PTGFRN: variants seen among roughly 807,000 people sequenced by gnomAD.
The protein encoded by PTGFRN is prostaglandin F2 receptor negative regulator.
PTGFRN carries 35 observed loss-of-function variants against 83.2 expected under a neutral mutation model. The observed-to-expected ratio is 0.42, with a 90% confidence interval of 0.32 to 0.56. The LOEUF is 0.56. Among genes scored for constraint, PTGFRN ranks in the 20% least tolerant of loss-of-function variants. PTGFRN has a pLI of 0.11. For missense variants in PTGFRN, 1,051 were observed against 1,179.5 expected (o/e 0.89, Z 1.60); for synonymous variants, 519 against 498.6 (o/e 1.04, Z -0.55).
chr1:116,931,281 G>A lies in PTGFRN; in HGVS notation c.50-10434G>A, dbSNP rs564618060. ...TCTGGTCCCAAACGTTTTGAATAAA[G>A]GATATACAGCCTGTATGACAGTTTG... On this transcript the variant is annotated intron_variant, in intron 1 of 8. Transcript: ENST00000393203. Among the ~76,000 whole-genome samples the A allele has an allele frequency of 3.3e-5, 5 of 152,204 alleles. No individual in the cohort carries two copies. The East Asian group carries it at 9.7e-4, about 29-fold the overall frequency.
At position 116,958,543 on chromosome 1, in the gene PTGFRN, C is replaced by T; in HGVS notation, c.1214-2700C>T. Among the ~76,000 whole-genome samples, 1 of 152,142 alleles carries T rather than the reference C, an allele frequency of 6.6e-6. No individual in the cohort carries two copies. The highest frequency in any genetic ancestry group is 1.5e-5 in the Non-Finnish European group (1 of 68,024). On this transcript the variant is annotated intron_variant, in intron 4 of 8. Transcript: ENST00000393203. The surrounding 1 kb of genome is among the most constrained non-coding windows in gnomAD (Gnocchi z 4.9). ...AGAAATGGGAACTGTGAATAATGAT[C>T]ACAAATATATACACGTGTATGTGTA...
chr1:116,974,456 C>T, intron 7 of PTGFRN, 133 bp downstream of exon 7: 1 of 634,988 alleles, frequency 1.6e-6, no homozygotes, highest in Non-Finnish European at 2.7e-6. Context: ...TGGCCCAGTA[C>T]TTTGTACTCA....
intron 1 of PTGFRN, among the ~76,000 whole-genome samples, chr1:116,932,387 C>T (rs1649822276): frequency 1.3e-5 from 2 of 152,162 alleles, no homozygotes; most frequent in Non-Finnish European, 2.9e-5. Flanking sequence ...CTTGAGTATT[C>T]CAGAGGTAGG....
rs747707764 is a variant in PTGFRN at position 116,967,268 on chromosome 1, G to C, written c.1997G>C (p.Ser666Thr). The C allele has an allele frequency of 1.2e-6, 2 of 1,614,100 alleles. No individual in the cohort carries two copies. The highest frequency in any genetic ancestry group is 2.7e-5 in the African/African-American group (2 of 74,946). ...MVTAWSPVRG[S>T]LWREAATSLS... Reference sequence around the variant, plus strand: ...ACAGCCTGGTCTCCTGTCAGGGGCAGCCTTTGGCGAGAAGCAGCAACCAGT... The same window carrying C: ...ACAGCCTGGTCTCCTGTCAGGGGCACCCTTTGGCGAGAAGCAGCAACCAGT... The change falls in exon 6 of 9, where the codon AGC becomes ACC. Residue 666 changes from serine (S) to threonine (T), a missense_variant. By Grantham distance (58) the Ser-to-Thr change is moderately conservative. This residue lies in a region of PTGFRN where 719 missense variants were observed against 836.6 expected (regional missense o/e 0.86). Coordinates refer to ENST00000393203, the MANE Select transcript of PTGFRN (RefSeq NM_020440.4).
At chr1:116,969,543 ATTTTGTT>A (rs1650934909) in intron 6 of PTGFRN, among the ~76,000 whole-genome samples, 1 of 152,050 alleles carries the variant, frequency 6.6e-6, no homozygotes, top group African/African-American at 2.4e-5. Context: ...GAGATTTCCA[ATTTTGTT>A]CTTTTTCAAG....
At chr1:116,965,198 T>A (rs1650789022) in intron 5 of PTGFRN, among the ~76,000 whole-genome samples, 1 of 152,210 alleles carries the variant, frequency 6.6e-6, no homozygotes, top group Non-Finnish European at 1.5e-5. Context: ...TGCCTGCTGT[T>A]CCATCAGTCT....
intron 4 of PTGFRN, among the ~76,000 whole-genome samples, chr1:116,951,875 C>T (rs1650362781): frequency 6.6e-6 from 1 of 152,088 alleles, no homozygotes; most frequent in Non-Finnish European, 1.5e-5. Flanking sequence ...CATGTATATG[C>T]GTACGGATAC....
intron 4 of PTGFRN, among the ~76,000 whole-genome samples, chr1:116,954,958 G>C (rs1414147576): frequency 6.6e-6 from 1 of 152,190 alleles, no homozygotes; most frequent in Admixed American, 6.5e-5. Context: ...TTGTAAAATG[G>C]GGATAATAAT....
chr1:116,949,239 G>A lies in PTGFRN; in HGVS notation c.880G>A (p.Glu294Lys). The A allele has an allele frequency of 4.3e-6, 7 of 1,611,822 alleles. No individual in the cohort carries two copies. The highest frequency in any genetic ancestry group is 2.2e-5 in the East Asian group (1 of 44,832). ...PKNVSVAEGKELDLTCNITTD... is the reference protein window; with the variant it reads ...PKNVSVAEGKKLDLTCNITTD... ...GAATGTGTCTGTGGCTGAAGGAAAG[G>A]AACTGGACCTGACCTGTAACATCAC... The change falls in exon 4 of 9, where the codon GAA becomes AAA. Residue 294 changes from glutamate to lysine, a missense_variant. Glu to Lys is a moderately conservative substitution (Grantham distance 56). Transcript: ENST00000393203.
Position 116,942,042 on chromosome 1 carries a change from C to T in PTGFRN, c.377C>T (p.Ala126Val). 1.9e-6 allele frequency: 3 copies of T among 1,614,154 alleles called. No individual in the cohort carries two copies. The highest frequency in any genetic ancestry group is 1.7e-6 in the Non-Finnish European group (2 of 1,179,998). ...AAATGTTCAACCCCCAGCACAGATG[C>T]CACTGTCCAGGGAAACTATGAGGAC... ...HYKCSTPSTD[A>V]TVQGNYEDTV... is the part of the protein sequence containing the mutation. The change falls in exon 2 of 9, where the codon GCC (alanine) becomes GTC (valine). Residue 126 changes from alanine to valine, a missense_variant. This residue lies in a region of PTGFRN where 127 missense variants were observed against 168.4 expected (regional missense o/e 0.75). Transcript: ENST00000393203.
At chr1:116,924,966 GGGC>G in intron 1 of PTGFRN, among the ~76,000 whole-genome samples, 1 of 152,286 alleles carries the variant, frequency 6.6e-6, no homozygotes, top group South Asian at 2.1e-4. Context: ...GACCCGCAGT[GGGC>G]ACCTTCTAAA....
chr1:116,954,274 G>A (rs1394495862), intron 4 of PTGFRN, among the ~76,000 whole-genome samples: 2 of 152,048 alleles, frequency 1.3e-5, no homozygotes, highest in Non-Finnish European at 2.9e-5. Context: ...GCCACAGTAA[G>A]GTAATGAGTC....
intron 6 of PTGFRN, among the ~76,000 whole-genome samples, chr1:116,969,122 T>C (rs1196755316): frequency 3.9e-5 from 4 of 102,542 alleles, no homozygotes; most frequent in Admixed American, 2.8e-4. Flanking sequence ...GTTTATCTGT[T>C]TTTTTTTTTT....
In PTGFRN at chr1:116,989,953, T is replaced by C. The variant is rs953552011; in HGVS notation, c.*2986T>C. On this transcript the variant is annotated 3_prime_UTR_variant, in exon 9 of 9. Transcript: ENST00000393203. ...TTGCTTTGCAGACTGCCTGCAGCCA[T>C]GATTTTGTCACTGACATCTGTGAGC... The C allele has an allele frequency of 6.6e-6, 1 of 152,654 alleles. No individual in the cohort carries two copies. The highest frequency in any genetic ancestry group is 2.4e-5 in the African/African-American group (1 of 41,450). 9.5% of individuals were successfully genotyped at this position (152,654 alleles called of 1,614,324 possible). A position where few individuals can be genotyped will look rare whatever the true frequency, so the allele number is the denominator to read the frequency against.
At chr1:116,960,071 G>A (rs1270484715) in intron 4 of PTGFRN, among the ~76,000 whole-genome samples, 1 of 152,242 alleles carries the variant, frequency 6.6e-6, no homozygotes, top group Admixed American at 6.5e-5. Flanking sequence ...AAAAGGCAGT[G>A]TATTTGGAGC....
chr1:116,922,519 A>G (rs536290383), intron 1 of PTGFRN, among the ~76,000 whole-genome samples: 1 of 152,328 alleles, frequency 6.6e-6, no homozygotes, highest in Admixed American at 6.5e-5. Context: ...TGGCTCATAA[A>G]TAATTGGGGA....
Position 116,974,279 on chromosome 1 carries a change from A to C in PTGFRN, c.2123A>C (p.Lys708Thr). 1 of 1,613,500 alleles carries C rather than the reference A, an allele frequency of 6.2e-7. No homozygotes were observed. The highest frequency in any genetic ancestry group is 8.5e-7 in the Non-Finnish European group (1 of 1,179,430). The change falls in exon 7 of 9, where the codon AAA becomes ACA. Residue 708 changes from lysine (K) to threonine (T), a missense_variant. By Grantham distance (78) the Lys-to-Thr change is moderately conservative. This residue lies in a region of PTGFRN where 719 missense variants were observed against 836.6 expected (regional missense o/e 0.86). Transcript: ENST00000393203. ...TPSVIRGDLI[K>T]LFCIITVEGA... Reference sequence around the variant, plus strand: ...TCAGTAATTCGGGGAGATCTGATCAAATTGTTCTGTATCATCACTGTCGAG... The same window carrying C: ...TCAGTAATTCGGGGAGATCTGATCACATTGTTCTGTATCATCACTGTCGAG...
At chr1:116,921,882 T>A (rs1649544823) in intron 1 of PTGFRN, among the ~76,000 whole-genome samples, 1 of 152,124 alleles carries the variant, frequency 6.6e-6, no homozygotes, top group African/African-American at 2.4e-5. Flanking sequence ...CAGGTGGGGC[T>A]GGAGAGTCGG....
At chr1:116,936,318 G>C (rs1240261416) in intron 1 of PTGFRN, among the ~76,000 whole-genome samples, 1 of 152,200 alleles carries the variant, frequency 6.6e-6, no homozygotes, top group African/African-American at 2.4e-5. Context: ...CAAAATTTAA[G>C]ATCTTGATTT....
Sources: gnomAD v4.1 joint callset for allele counts (sites outside exome capture counted in the v4.1 genomes callset) on GRCh38, gnomAD v4.1.1 for gene constraint, gnomAD v4.1.1 regional missense constraint, Gnocchi (gnomAD v3.1) non-coding constraint, MANE v1.5 for transcripts, NCBI Gene and HGNC (gene_info 2026-07-23, HGNC 2026-07-21) for gene names.